Variants in GPATCH8 observed in about 807,000 individuals in gnomAD.
GPATCH8 encodes the protein G-patch domain containing 8, also known as G patch domain-containing protein 8.
In GPATCH8, 18 loss-of-function variants were observed where a neutral mutation model predicts 118.3. That is an observed-to-expected ratio of 0.15 (90% CI 0.11 to 0.23). The LOEUF is 0.23. Ranked by LOEUF, GPATCH8 falls within the 10% of genes least tolerant of loss-of-function variation. The probability of loss-of-function intolerance (pLI) is 1.00; values close to 1 mark genes in which losing one functional copy is unlikely to be tolerated. For synonymous variants in GPATCH8, 659 were observed against 684.7 expected (o/e 0.96, Z 0.59); for missense variants, 1,631 against 1,873.8 (o/e 0.87, Z 2.39).
rs760687907 is a variant in GPATCH8, at chr17:44,398,677, T to G, written c.3400A>C (p.Lys1134Gln). The G allele has an allele frequency of 6.6e-5, 104 of 1,574,388 alleles. No individual in the cohort carries two copies. The South Asian group carries it at 1.2e-3, about 19-fold the overall frequency. Residue 1134 changes from lysine to glutamine, a missense_variant, in exon 8 of 8, where the codon AAG (lysine) becomes CAG (glutamine). Lys to Gln is a moderately conservative substitution (Grantham distance 53, BLOSUM62 1). This residue lies in a region of GPATCH8 where 922 missense variants were observed against 879.7 expected (regional missense o/e 1.05). Coordinates refer to ENST00000591680, the MANE Select transcript of GPATCH8 (RefSeq NM_001002909.4). Reference protein sequence around the residue: ...KDPPQGYFGPKLPPSLGNKPV... With the variant: ...KDPPQGYFGPQLPPSLGNKPV... ...TTATTGCCAAGAGATGGGGGGAGCT[T>G]GGGCCCAAAGTAACCTTGTGGGGGG...
chr17:44,499,443 T>C (rs1421542766), intron 1 of GPATCH8, among the ~76,000 whole-genome samples: 3 of 152,140 alleles, frequency 2.0e-5, no homozygotes, highest in Non-Finnish European at 4.4e-5. Context: ...GCACTCCAGG[T>C]GGGCAACAAG....
At chr17:44,424,324 C>A (rs1869495) in intron 6 of GPATCH8, 25 bp downstream of exon 6, 873,249 of 1,505,568 alleles carry the variant, frequency 0.58, 259,582 homozygotes, top group Middle Eastern at 0.62. Context: ...GTACCTTCTT[C>A]TGTTAGCAAG....
intron 3 of GPATCH8, among the ~76,000 whole-genome samples, chr17:44,454,532 T>C (rs900599590): frequency 6.6e-6 from 1 of 152,236 alleles, no homozygotes; most frequent in Non-Finnish European, 1.5e-5. Flanking sequence ...TCCCTTTCTA[T>C]ACAGCATGCA....
chr17:44,422,774 G>A (rs1051378582), intron 6 of GPATCH8, among the ~76,000 whole-genome samples: 8 of 150,900 alleles, frequency 5.3e-5, no homozygotes, highest in African/African-American at 1.9e-4. Flanking sequence ...CACCGCACCC[G>A]GCCGGCCTAA....
chr17:44,396,629 T>C lies in GPATCH8; in HGVS notation c.*939A>G, dbSNP rs955839975. On this transcript the variant is annotated 3_prime_UTR_variant, in exon 8 of 8. Coordinates refer to ENST00000591680, the MANE Select transcript of GPATCH8 (RefSeq NM_001002909.4). The stretch of plus-strand genomic sequence containing the variant: ...TTTCTTAATTCAACTAGGGCAAACA[T>C]ATTTACACAAAGCCACCAGAACGAG... 1 of 446,660 alleles carries C rather than the reference T, an allele frequency of 2.2e-6. No individual in the cohort carries two copies. The highest frequency in any genetic ancestry group is 4.4e-6 in the Non-Finnish European group (1 of 224,940). 27.7% of individuals were successfully genotyped at this position (446,660 alleles called of 1,614,324 possible). A position where few individuals can be genotyped will look rare whatever the true frequency, so the allele number is the denominator to read the frequency against.
At chr17:44,432,538 T>C (rs1437553874) in intron 5 of GPATCH8, among the ~76,000 whole-genome samples, 2 of 152,118 alleles carry the variant, frequency 1.3e-5, no homozygotes, top group African/African-American at 4.8e-5. Context: ...ATGCAAGTAA[T>C]GCATTTTGTA....
intron 6 of GPATCH8, among the ~76,000 whole-genome samples, chr17:44,410,536 C>T (rs2049392078): frequency 6.6e-6 from 1 of 152,098 alleles, no homozygotes; most frequent in South Asian, 2.1e-4. Context: ...ATACGATATG[C>T]TTTCTGAAGA....
In GPATCH8 at chr17:44,398,907, T is replaced by C; in HGVS notation, c.3170A>G (p.Asp1057Gly). Reference protein sequence around the residue: ...PGKKDDGRGDDSKATGPPSQN... With the variant: ...PGKKDDGRGDGSKATGPPSQN... The stretch of plus-strand genomic sequence containing the variant: ...GGAAGGTGGACCTGTTGCTTTACTG[T>C]CATCTCCTCTGCCATCATCTTTCTT... The change falls in exon 8 of 8, where the codon GAC (aspartate) becomes GGC (glycine). Residue 1057 changes from aspartate (D) to glycine (G), a missense_variant. By Grantham distance (94) the Asp-to-Gly change is moderately conservative (BLOSUM62 -1). This residue lies in a region of GPATCH8 where 922 missense variants were observed against 879.7 expected (regional missense o/e 1.05). Coordinates refer to ENST00000591680, the MANE Select transcript of GPATCH8 (RefSeq NM_001002909.4). 4 of 1,614,148 alleles carry C rather than the reference T, an allele frequency of 2.5e-6. No homozygotes were observed. Among genetic ancestry groups the C allele is most frequent in the Non-Finnish European group, 3.4e-6 (4 of 1,179,994 alleles).
intron 6 of GPATCH8, among the ~76,000 whole-genome samples, chr17:44,413,403 TG>T: frequency 6.6e-6 from 1 of 152,218 alleles, no homozygotes; most frequent in Admixed American, 6.5e-5. Context: ...CCCACGTAGC[TG>T]GGATTATAGG....
intron 2 of GPATCH8, among the ~76,000 whole-genome samples, chr17:44,469,125 C>G (rs1967072860): frequency 1.3e-5 from 2 of 152,058 alleles, no homozygotes; most frequent in South Asian, 4.1e-4. Context: ...CATTAAAATG[C>G]TAATTTTTAT....
At position 44,474,837 on chromosome 17, in the gene GPATCH8, T is replaced by C. The variant is rs1194385217; in HGVS notation, c.112A>G (p.Ile38Val). ...EIEQASLDKPIESDNIGHRLL... is the reference protein window; with the variant it reads ...EIEQASLDKPVESDNIGHRLL... ...AGCACTGATTATCTTACCGATTCTATAGGCTTGTCAAGTGACGCTTGTTCA... is the reference window on the plus strand; with the variant it reads ...AGCACTGATTATCTTACCGATTCTACAGGCTTGTCAAGTGACGCTTGTTCA... Residue 38 changes from isoleucine to valine, a missense_variant, in exon 2 of 8, where the codon ATA becomes GTA. Coordinates refer to ENST00000591680, the MANE Select transcript of GPATCH8 (RefSeq NM_001002909.4). 1.9e-6 allele frequency: 3 copies of C among 1,541,534 alleles called. No homozygotes were observed. Among genetic ancestry groups the C allele is most frequent in the Non-Finnish European group, 9.0e-7 (1 of 1,114,106 alleles).
chr17:44,493,404 A>C (rs1022786031), intron 1 of GPATCH8, among the ~76,000 whole-genome samples: 3 of 152,202 alleles, frequency 2.0e-5, no homozygotes, highest in African/African-American at 7.2e-5. Flanking sequence ...CAAAAATTAT[A>C]ATCTTTAATA....
chr17:44,484,257 T>C (rs933728938), intron 1 of GPATCH8, among the ~76,000 whole-genome samples: 2 of 152,174 alleles, frequency 1.3e-5, no homozygotes, highest in African/African-American at 4.8e-5. Context: ...GTGCTGGGAT[T>C]ACAGGTGTGA....
chr17:44,411,691 T>C (rs568262257), intron 6 of GPATCH8, among the ~76,000 whole-genome samples: 1 of 152,332 alleles, frequency 6.6e-6, no homozygotes, highest in African/African-American at 2.4e-5. Flanking sequence ...CGTCTTTCCC[T>C]CACCAGATAG....
rs1243056873 is a variant in GPATCH8, at chr17:44,503,385, T to C, written c.-15A>G. 3.7e-6 allele frequency: 6 copies of C among 1,602,508 alleles called. No homozygotes were observed. The highest frequency in any genetic ancestry group is 5.1e-6 in the Non-Finnish European group (6 of 1,174,408). On this transcript the variant is annotated 5_prime_UTR_variant, in exon 1 of 8. Coordinates refer to ENST00000591680, the MANE Select transcript of GPATCH8 (RefSeq NM_001002909.4). ...CGGTCCGCCATTTTGCCGCCTTCACTCCTCTCAGGACGACGCTCTCCGGTT... is the reference window on the plus strand; with the variant it reads ...CGGTCCGCCATTTTGCCGCCTTCACCCCTCTCAGGACGACGCTCTCCGGTT...
chr17:44,438,250 G>A (rs1189223335), intron 3 of GPATCH8, among the ~76,000 whole-genome samples: 1 of 152,064 alleles, frequency 6.6e-6, no homozygotes, highest in Admixed American at 6.5e-5. Flanking sequence ...TTTTTGATCT[G>A]TCAGAATTCG....
intron 3 of GPATCH8, among the ~76,000 whole-genome samples, chr17:44,448,515 GAAGAAGGA>G (rs2050977577): frequency 2.1e-5 from 2 of 94,740 alleles, no homozygotes; most frequent in African/African-American, 8.7e-5. Context: ...GGGGGGGGGG[GAAGAAGGA>G]GGAAGAAGAA....
At chr17:44,493,475 G>GAAGT (rs1051279709) in intron 1 of GPATCH8, among the ~76,000 whole-genome samples, 1 of 152,164 alleles carries the variant, frequency 6.6e-6, no homozygotes, top group Non-Finnish European at 1.5e-5. Context: ...ATGTATTAAA[G>GAAGT]AAGTACAATG....
chr17:44,430,056 C>CAACCAACT (rs1344771930), intron 5 of GPATCH8, among the ~76,000 whole-genome samples: 6 of 151,872 alleles, frequency 4.0e-5, no homozygotes, highest in Non-Finnish European at 7.4e-5. Flanking sequence ...ACCAACCAAC[C>CAACCAACT]AACCAACCAA....
Sources: gnomAD v4.1 joint callset for allele counts (sites outside exome capture counted in the v4.1 genomes callset) on GRCh38, gnomAD v4.1.1 for gene constraint, gnomAD v4.1.1 regional missense constraint, MANE v1.5 for transcripts, NCBI Gene and HGNC (gene_info 2026-07-23, HGNC 2026-07-21) for gene names.